The following ZFX variants were observed in gnomAD, a reference collection of about 807,000 sequenced individuals.
ZFX encodes the protein zinc finger protein X-linked, also known as zinc finger X-chromosomal protein.
For missense variants in ZFX, 362 were observed against 628.3 expected, an observed-to-expected ratio of 0.58 and a Z score of 4.53; for synonymous variants, 196 against 226.8, an observed-to-expected ratio of 0.86 and a Z score of 1.22.
intron 4 of ZFX, chrX:24,173,742 G>A (rs1443479641): frequency 2.2e-6 from 1 of 450,607 alleles, no homozygotes; most frequent in Non-Finnish European, 3.7e-6. Flanking sequence ...CACAATGTCT[G>A]GCTAACTTTT....
intron 5 of ZFX, among the ~76,000 whole-genome samples, chrX:24,183,250 TC>T (rs1455400086): frequency 8.9e-6 from 1 of 111,737 alleles, no homozygotes; most frequent in Non-Finnish European, 1.9e-5. Flanking sequence ...AATGGCGCCA[TC>T]TTGGCTTACT....
chrX:24,213,296 A>AAAC lies in ZFX; in HGVS notation c.*1922_*1924dup, dbSNP rs1270858510. 1 of 111,989 alleles carries AAAC rather than the reference A, an allele frequency of 8.9e-6. No homozygotes were observed. Among genetic ancestry groups the AAAC allele is most frequent in the Non-Finnish European group, 1.9e-5 (1 of 53,156 alleles). 9.2% of individuals were successfully genotyped at this position (111,989 alleles called of 1,213,427 possible). ...GTTAAGACGAATCTGGGAGAACAGA[A>AAAC]AACAGTTTTTGGGGTCCCTTCAGTT... On this transcript the variant is annotated 3_prime_UTR_variant, in exon 10 of 10. Transcript: ENST00000304543.
At chrX:24,152,986 A>G (rs1447475098) in intron 3 of ZFX, among the ~76,000 whole-genome samples, 156 bp downstream of exon 3, 3 of 112,285 alleles carry the variant, frequency 2.7e-5, no homozygotes, top group Non-Finnish European at 5.6e-5. Context: ...ATTTCTGTGT[A>G]TTTTTCAGAT....
intron 3 of ZFX, among the ~76,000 whole-genome samples, chrX:24,155,190 T>C (rs775739822): frequency 2.4e-4 from 27 of 112,346 alleles, no homozygotes; most frequent in African/African-American, 8.7e-4. Flanking sequence ...AGTATTTTTA[T>C]GGGTTAATAA....
In ZFX at chrX:24,212,337, TA is replaced by T. The variant is rs1938150457; in HGVS notation, c.*962del. 8.9e-6 allele frequency: 1 copy of T among 112,245 alleles called. No individual in the cohort carries two copies. The highest frequency in any genetic ancestry group is 3.7e-4 in the South Asian group (1 of 2,703). The allele number at this position is 112,245 out of a possible 1,213,427, so 9.3% of individuals were successfully genotyped here. ...GTTGTTTAAAATCTATAATGAAAAG[TA>T]TTAAATTTACAATAACATGAAAGAT... On this transcript the variant is annotated 3_prime_UTR_variant, in exon 10 of 10. Coordinates refer to ENST00000304543, the MANE Select transcript of ZFX (RefSeq NM_003410.4).
At chrX:24,206,579 G>T (rs1301812107) in intron 5 of ZFX, among the ~76,000 whole-genome samples, 1 of 101,348 alleles carries the variant, frequency 9.9e-6, no homozygotes, top group African/African-American at 3.6e-5. Context: ...AGAGATGGGG[G>T]TCTTGCCATG....
chrX:24,150,586 C>T (rs1009429055), intron 1 of ZFX: 2 of 113,311 alleles, frequency 1.8e-5, no homozygotes, highest in African/African-American at 6.4e-5. Flanking sequence ...ACGCCGGGAC[C>T]GTTTCACCCT....
intron 5 of ZFX, among the ~76,000 whole-genome samples, chrX:24,203,562 C>G (rs973139782): frequency 8.9e-6 from 1 of 112,189 alleles, no homozygotes; most frequent in African/African-American, 3.2e-5. Context: ...GATTTTGACA[C>G]CTGACCAGAT....
chrX:24,185,293 C>T (rs1478603198), intron 5 of ZFX, among the ~76,000 whole-genome samples: 1 of 111,108 alleles, frequency 9.0e-6, no homozygotes, highest in African/African-American at 3.3e-5. Flanking sequence ...CTCTTACTTC[C>T]CTCTACTTCA....
intron 3 of ZFX, among the ~76,000 whole-genome samples, chrX:24,153,624 T>C (rs1330408918): frequency 8.9e-6 from 1 of 112,074 alleles, no homozygotes; most frequent in African/African-American, 3.2e-5. Context: ...AGGTGTGTTA[T>C]ATAAAAGTGC....
chrX:24,149,382 C>CGGCGGCAGCGGCGCGTGTGT (rs753659096), upstream of ZFX: 1 of 110,231 alleles, frequency 9.1e-6, no homozygotes, highest in African/African-American at 3.3e-5. Flanking sequence ...GCCGAGGCGG[C>CGGCGGCAGCGGCGCGTGTGT]GGCGGCAGCG....
rs962252260 is a variant in ZFX at position 24,211,789 on chromosome X, C to T, written c.*413C>T. 1 of 121,033 alleles carries T rather than the reference C, an allele frequency of 8.3e-6. No homozygotes were observed. The highest frequency in any genetic ancestry group is 1.7e-5 in the Non-Finnish European group (1 of 58,911). The allele number at this position is 121,033 out of a possible 1,213,427, so 10.0% of individuals were successfully genotyped here. On this transcript the variant is annotated 3_prime_UTR_variant, in exon 10 of 10. Coordinates refer to ENST00000304543, the MANE Select transcript of ZFX (RefSeq NM_003410.4). ...CATTTTTTTCCCCATACATTTCTCA[C>T]AATAAAATTGTCAGAGACATCTACT...
chrX:24,183,468 T>G (rs1935845487), intron 5 of ZFX, among the ~76,000 whole-genome samples: 2 of 111,515 alleles, frequency 1.8e-5, no homozygotes, highest in Admixed American at 1.9e-4. Context: ...ATTACGGACG[T>G]GAGCTACCAC....
intron 3 of ZFX, among the ~76,000 whole-genome samples, chrX:24,162,281 G>T (rs756713854): frequency 1.3e-4 from 14 of 111,488 alleles, no homozygotes; most frequent in African/African-American, 3.9e-4. Flanking sequence ...TTATCAGTGG[G>T]ATTTTTTCAT....
At chrX:24,170,359 G>A (rs1209881006) in intron 3 of ZFX, among the ~76,000 whole-genome samples, 1 of 109,115 alleles carries the variant, frequency 9.2e-6, no homozygotes, top group Non-Finnish European at 1.9e-5. Flanking sequence ...GTTGCGCCAT[G>A]TTGGCCAGGC....
chrX:24,160,784 A>G (rs1000309557), intron 3 of ZFX, among the ~76,000 whole-genome samples: 2 of 111,825 alleles, frequency 1.8e-5, no homozygotes, highest in African/African-American at 6.5e-5. Context: ...TAATCACCCT[A>G]CAGTGCTATA....
chrX:24,185,709 C>T (rs926615797), intron 5 of ZFX, among the ~76,000 whole-genome samples: 2 of 112,619 alleles, frequency 1.8e-5, no homozygotes, highest in Non-Finnish European at 3.8e-5. Context: ...CTCGGCCTCC[C>T]GAAGTGCTAG....
intron 5 of ZFX, among the ~76,000 whole-genome samples, chrX:24,197,359 G>A (rs1407907378): frequency 9.0e-6 from 1 of 111,392 alleles, no homozygotes; most frequent in African/African-American, 3.3e-5. Flanking sequence ...AGTTAGAGTA[G>A]AAATTGACAA....
At chrX:24,157,399 A>T (rs1480783825) in intron 3 of ZFX, among the ~76,000 whole-genome samples, 1 of 112,120 alleles carries the variant, frequency 8.9e-6, no homozygotes, top group African/African-American at 3.2e-5. Flanking sequence ...ACATATCTGA[A>T]GTCAAAATAG....
Sources: gnomAD v4.1 joint callset for allele counts (sites outside exome capture counted in the v4.1 genomes callset) on GRCh38, gnomAD v4.1.1 for gene constraint, MANE v1.5 for transcripts, NCBI Gene and HGNC (gene_info 2026-07-23, HGNC 2026-07-21) for gene names.